COA1: variants seen among roughly 807,000 people sequenced by gnomAD.
The protein encoded by COA1 is cytochrome c oxidase assembly factor 1, also known as cytochrome c oxidase assembly factor 1 homolog.
Under a neutral mutation model 16.0 loss-of-function variants are expected in COA1, and 13 were observed. That is an observed-to-expected ratio of 0.81 (90% CI 0.53 to 1.29). The LOEUF (loss-of-function observed/expected upper bound fraction) is 1.29. Among genes scored for constraint, COA1 ranks in the 50% most tolerant of loss-of-function variants. The pLI is 0.00. For missense variants in COA1, 179 were observed against 177.0 expected, an observed-to-expected ratio of 1.01 and a Z score of -0.06; for synonymous variants, 65 against 65.7, an observed-to-expected ratio of 0.99 and a Z score of 0.05.
downstream of COA1, among the ~76,000 whole-genome samples, chr7:43,634,911 C>G (rs989617676): frequency 6.6e-6 from 1 of 152,084 alleles, no homozygotes; most frequent in African/African-American, 2.4e-5. Context: ...CCAGGGAAAT[C>G]GATGCTGTGT....
chr7:43,646,542 G>T (rs1358645648), intron 3 of COA1: 4 of 456,496 alleles, frequency 8.8e-6, no homozygotes, highest in Non-Finnish European at 1.8e-5. Flanking sequence ...AACCCAGGCA[G>T]TCGGCTGCAG....
At chr7:43,655,095 T>A (rs1451747699) in intron 1 of COA1, among the ~76,000 whole-genome samples, 1 of 152,238 alleles carries the variant, frequency 6.6e-6, no homozygotes, top group Non-Finnish European at 1.5e-5. Context: ...CTGAGACCAA[T>A]TAATCCAAAT....
chr7:43,680,008 G>A (rs369077515), intron 1 of COA1, among the ~76,000 whole-genome samples: 2 of 152,034 alleles, frequency 1.3e-5, no homozygotes, highest in Non-Finnish European at 2.9e-5. Context: ...TAACAGATTA[G>A]ATTCACCTTC....
At chr7:43,657,956 CG>C (rs1300868150) in intron 1 of COA1, among the ~76,000 whole-genome samples, 1 of 152,000 alleles carries the variant, frequency 6.6e-6, no homozygotes, top group African/African-American at 2.4e-5. Context: ...CAACGAGAGG[CG>C]GAGGTTGCAG....
intron 1 of COA1, among the ~76,000 whole-genome samples, chr7:43,652,106 A>G (rs1028013054): frequency 3.3e-5 from 5 of 152,236 alleles, no homozygotes; most frequent in African/African-American, 1.2e-4. Flanking sequence ...AAGTAGTCGC[A>G]ATCTGCAGCC....
chr7:43,710,865 T>C (rs2095223266), intron 1 of COA1, among the ~76,000 whole-genome samples: 1 of 152,174 alleles, frequency 6.6e-6, no homozygotes, highest in Non-Finnish European at 1.5e-5. Flanking sequence ...AAAACTAGAT[T>C]TTCCACCAGG....
intron 3 of COA1, chr7:43,646,008 G>A (rs1413290234): frequency 2.0e-5 from 3 of 153,312 alleles, no homozygotes; most frequent in Non-Finnish European, 4.4e-5. Context: ...GAGCCCACAG[G>A]CTACCTGGGA....
intron 1 of COA1, among the ~76,000 whole-genome samples, chr7:43,691,358 AGGGAGGGAGGGAGGG>A (rs1563383561): frequency 1.5e-3 from 96 of 64,226 alleles, no homozygotes; most frequent in African/African-American, 6.7e-3. Context: ...GGAGGGAGGG[AGGGAGGGAGGGAGGG>A]AGGGAGGAAG....
chr7:43,661,301 A>G (rs1207938815), intron 1 of COA1, among the ~76,000 whole-genome samples: 2 of 152,232 alleles, frequency 1.3e-5, no homozygotes, highest in Non-Finnish European at 2.9e-5. Context: ...ACAGGATGTT[A>G]CTAGATTTGT....
chr7:43,628,588 GTT>G (rs1226401680), intron 6 of COA1, among the ~76,000 whole-genome samples: 1 of 152,176 alleles, frequency 6.6e-6, no homozygotes, highest in South Asian at 2.1e-4. Context: ...TACTCTGGTT[GTT>G]TTTTACATCC....
intron 1 of COA1, among the ~76,000 whole-genome samples, chr7:43,668,810 A>AT: frequency 6.6e-6 from 1 of 152,316 alleles, no homozygotes; most frequent in East Asian, 1.9e-4. Context: ...AAATCCCCAA[A>AT]TATCTTGGCA....
At chr7:43,709,321 C>A (rs1214007453) in intron 1 of COA1, among the ~76,000 whole-genome samples, 1 of 151,916 alleles carries the variant, frequency 6.6e-6, no homozygotes, top group Non-Finnish European at 1.5e-5. Flanking sequence ...CCACCATGCC[C>A]GGCCTATCTC....
At chr7:43,630,931 C>T (rs564770050) in intron 6 of COA1, among the ~76,000 whole-genome samples, 2 of 152,250 alleles carry the variant, frequency 1.3e-5, no homozygotes, top group East Asian at 1.9e-4. Flanking sequence ...TAACCTGCTA[C>T]GTACATTGAG....
intron 1 of COA1, among the ~76,000 whole-genome samples, chr7:43,719,945 G>A (rs1418385631): frequency 1.3e-5 from 2 of 152,136 alleles, no homozygotes; most frequent in Non-Finnish European, 1.5e-5. Flanking sequence ...GAGGAATGTT[G>A]TGGGTCAAGT....
chr7:43,630,574 C>T lies in COA1; in HGVS notation c.*133+8875G>A, dbSNP rs192787749. Among the ~76,000 whole-genome samples the T allele has an allele frequency of 1.2e-4, 18 of 152,260 alleles. No homozygotes were observed. The East Asian group carries it at 2.3e-3, about 20-fold the overall frequency. ...AGGACTGTCACCTCATCCCTGCCCC[C>T]GCTTTTTTTCTCTAAGCCAATAAAA... is the stretch of plus-strand genomic sequence containing the variant. On this transcript the variant is annotated intron_variant and NMD_transcript_variant, in intron 6 of 6. Coordinates refer to the COA1 transcript ENST00000415076.
intron 1 of COA1, among the ~76,000 whole-genome samples, chr7:43,676,316 C>G (rs546175810): frequency 6.6e-6 from 1 of 152,196 alleles, no homozygotes; most frequent in Admixed American, 6.5e-5. Context: ...TACTGCAGCA[C>G]TATTCACAAT....
chr7:43,612,037 A>G (rs573383584), intron 6 of COA1, among the ~76,000 whole-genome samples: 82 of 152,314 alleles, frequency 5.4e-4, no homozygotes, highest in African/African-American at 1.7e-3. Flanking sequence ...TACACAAGGA[A>G]ATTATATCCC....
chr7:43,691,433 GA>G (rs1554542740), intron 1 of COA1, among the ~76,000 whole-genome samples: 1 of 75,038 alleles, frequency 1.3e-5, no homozygotes, highest in Non-Finnish European at 2.8e-5. Context: ...AAGAAAGAAA[GA>G]AAGAAAGAAA....
intron 1 of COA1, among the ~76,000 whole-genome samples, chr7:43,655,083 CA>C (rs2091500058): frequency 1.3e-5 from 2 of 152,174 alleles, no homozygotes; most frequent in Admixed American, 1.3e-4. Context: ...CAGCAGCATG[CA>C]CTGAGACCAA....
Sources: allele counts gnomAD v4.1 joint callset (sites outside exome capture counted in the v4.1 genomes callset), GRCh38; gene constraint gnomAD v4.1.1; transcripts MANE v1.5; gene names NCBI Gene and HGNC (gene_info 2026-07-23, HGNC 2026-07-21).